Variants in PARD3 observed in about 807,000 individuals in gnomAD.
PARD3 encodes the protein par-3 family cell polarity regulator, also known as partitioning defective 3 homolog.
In PARD3, 75 loss-of-function variants were observed where a neutral mutation model predicts 155.4. The observed-to-expected ratio is 0.48, with a 90% CI of 0.40 to 0.58. The LOEUF (loss-of-function observed/expected upper bound fraction) is 0.58. PARD3 is among the 20% of genes least tolerant of loss of function. The pLI is 0.00. For missense variants in PARD3, 1,642 were observed against 1,721.7 expected (o/e 0.95, Z 0.82); for synonymous variants, 576 against 610.5 (o/e 0.94, Z 0.83).
At chr10:34,769,120 C>A (rs1312166885) in intron 1 of PARD3, among the ~76,000 whole-genome samples, 1 of 152,212 alleles carries the variant, frequency 6.6e-6, no homozygotes, top group Non-Finnish European at 1.5e-5. Context: ...TCCACATAAA[C>A]AAGGTGGCCC....
chr10:34,760,542 A>C (rs555632730), intron 1 of PARD3, among the ~76,000 whole-genome samples: 1 of 152,242 alleles, frequency 6.6e-6, no homozygotes, highest in South Asian at 2.1e-4. Flanking sequence ...CTTGTTGGCC[A>C]GGCTTTCTAG....
At chr10:34,757,776 A>G (rs1289601087) in intron 1 of PARD3, among the ~76,000 whole-genome samples, 1 of 152,178 alleles carries the variant, frequency 6.6e-6, no homozygotes, top group East Asian at 1.9e-4. Context: ...AACTAGGACC[A>G]TGCCCAGGAT....
chr10:34,447,771 C>T (rs1412130869), intron 5 of PARD3, among the ~76,000 whole-genome samples: 1 of 144,556 alleles, frequency 6.9e-6, no homozygotes, highest in Non-Finnish European at 1.5e-5. Context: ...CACCACTGCA[C>T]TCCAGCTTGA....
intron 19 of PARD3, among the ~76,000 whole-genome samples, chr10:34,323,242 G>A (rs1340409852): frequency 1.3e-5 from 2 of 152,158 alleles, no homozygotes; most frequent in African/African-American, 4.8e-5. Context: ...AGATGGTGTC[G>A]AATAACATGA....
At chr10:34,812,005 C>G (rs79356391) in intron 1 of PARD3, among the ~76,000 whole-genome samples, 1,680 of 152,290 alleles carry the variant, frequency 0.011, 32 homozygotes, top group African/African-American at 0.037. Context: ...ACCACAAAAC[C>G]ATCTTTCAGG....
At chr10:34,681,334 C>G in intron 2 of PARD3, among the ~76,000 whole-genome samples, 1 of 152,066 alleles carries the variant, frequency 6.6e-6, no homozygotes, top group East Asian at 1.9e-4. Context: ...TCCTTCACAG[C>G]GACAGTTTGA....
intron 5 of PARD3, among the ~76,000 whole-genome samples, chr10:34,425,595 C>G (rs1366023111): frequency 6.6e-6 from 1 of 151,964 alleles, no homozygotes; most frequent in East Asian, 1.9e-4. Flanking sequence ...GGGGGTCTCC[C>G]TAGGTTGCTG....
chr10:34,379,790 A>C (rs1340788460), intron 9 of PARD3, among the ~76,000 whole-genome samples: 1 of 152,152 alleles, frequency 6.6e-6, no homozygotes, highest in Non-Finnish European at 1.5e-5. Context: ...TAATTTCTAC[A>C]AAAGAGCTGG....
intron 2 of PARD3, among the ~76,000 whole-genome samples, chr10:34,572,779 G>A (rs939928480): frequency 2.6e-5 from 4 of 151,770 alleles, no homozygotes; most frequent in Admixed American, 6.6e-5. Context: ...CATCTCTTAC[G>A]CAGGCCATAT....
chr10:34,311,549 T>C (rs574355179), intron 20 of PARD3, among the ~76,000 whole-genome samples: 6 of 152,296 alleles, frequency 3.9e-5, no homozygotes, highest in East Asian at 1.9e-4. Flanking sequence ...TGCACTAGCA[T>C]TGGATCTGTG....
intron 1 of PARD3, among the ~76,000 whole-genome samples, chr10:34,722,355 G>A (rs975717759): frequency 2.6e-5 from 4 of 152,084 alleles, no homozygotes; most frequent in Non-Finnish European, 4.4e-5. Flanking sequence ...ATCTCCAGTG[G>A]TTATCGCCTG....
chr10:34,520,466 C>T lies in PARD3; in HGVS notation c.223-3307G>A, dbSNP rs77318120. ...AAAGGGAAAGGTATGCATACGTATA[C>T]ACCAAAACATCCATATATAGTAAAA... On this transcript the variant is annotated intron_variant, in intron 2 of 24. Transcript: ENST00000374788. Among the ~76,000 whole-genome samples the T allele has an allele frequency of 8.7e-3, 1,331 of 152,292 alleles. 10 individuals carry two copies. Among genetic ancestry groups the T allele is most frequent in the Non-Finnish European group, 0.011 (775 of 68,012 alleles).
chr10:34,540,487 G>A (rs1414169588), intron 2 of PARD3, among the ~76,000 whole-genome samples: 1 of 152,178 alleles, frequency 6.6e-6, no homozygotes, highest in Non-Finnish European at 1.5e-5. Flanking sequence ...AGGCATTGTG[G>A]CTCACACCTG....
intron 5 of PARD3, among the ~76,000 whole-genome samples, chr10:34,440,617 CA>C (rs2076413557): frequency 6.6e-6 from 1 of 152,134 alleles, no homozygotes; most frequent in Admixed American, 6.5e-5. Context: ...CACACACCAC[CA>C]AAGATTTTTC....
chr10:34,720,569 G>C (rs545422098), intron 1 of PARD3, among the ~76,000 whole-genome samples: 3 of 151,884 alleles, frequency 2.0e-5, no homozygotes, highest in African/African-American at 7.3e-5. Context: ...AGGCTGAAGC[G>C]GGCGGATCAC....
chr10:34,732,566 C>A (rs139736192), intron 1 of PARD3, among the ~76,000 whole-genome samples: 1 of 152,178 alleles, frequency 6.6e-6, no homozygotes, highest in African/African-American at 2.4e-5. Flanking sequence ...GGCATAGTGG[C>A]ATGTGCCTGT....
chr10:34,698,805 G>A (rs972687103), intron 1 of PARD3, among the ~76,000 whole-genome samples: 1 of 152,186 alleles, frequency 6.6e-6, no homozygotes. Flanking sequence ...TTTTACATAT[G>A]CAGCACAAAA....
At chr10:34,549,641 C>A (rs776032687) in intron 2 of PARD3, among the ~76,000 whole-genome samples, 15 of 151,984 alleles carry the variant, frequency 9.9e-5, no homozygotes, top group Admixed American at 3.9e-4. Flanking sequence ...TATAACATAC[C>A]CTAAAATACA....
chr10:34,220,257 C>A (rs574232552), intron 22 of PARD3, among the ~76,000 whole-genome samples: 3 of 152,236 alleles, frequency 2.0e-5, no homozygotes, highest in Admixed American at 6.5e-5. Context: ...CACAAGGGAA[C>A]CACAGAGACG....
Sources: allele counts gnomAD v4.1 joint callset (sites outside exome capture counted in the v4.1 genomes callset), GRCh38; gene constraint gnomAD v4.1.1; transcripts MANE v1.5; gene names NCBI Gene and HGNC (gene_info 2026-07-23, HGNC 2026-07-21).